SEMA5B: variants seen among roughly 807,000 people sequenced by gnomAD.
SEMA5B encodes semaphorin 5B.
In SEMA5B, 66 loss-of-function variants were observed where a neutral mutation model predicts 135.0. That is an observed-to-expected ratio of 0.49 (90% CI 0.40 to 0.60). The LOEUF (loss-of-function observed/expected upper bound fraction) is 0.60. Among genes scored for constraint, SEMA5B ranks in the 20% least tolerant of loss-of-function variants. The pLI, the probability that SEMA5B is intolerant of heterozygous loss-of-function variation, is 0.00. For missense variants in SEMA5B, 1,501 were observed against 1,566.3 expected, an observed-to-expected ratio of 0.96 and a Z score of 0.70; for synonymous variants, 690 against 639.5, an observed-to-expected ratio of 1.08 and a Z score of -1.19.
At position 122,936,489 on chromosome 3, in the gene SEMA5B, G is replaced by A. The variant is rs1939292164; in HGVS notation, c.474+2936C>T. On this transcript the variant is annotated intron_variant, in intron 5 of 22. Coordinates refer to ENST00000357599, the MANE Select transcript of SEMA5B (RefSeq NM_001031702.4). The stretch of plus-strand genomic sequence containing the variant: ...CCAGGCCCGAACAAAGCCCCATTAT[G>A]CGTCCTGATGCATATGTGCAGAACA... Among the ~76,000 whole-genome samples, 4 of 152,160 alleles carry A rather than the reference G, an allele frequency of 2.6e-5. No homozygotes were observed. The South Asian group carries it at 8.3e-4, about 32-fold the overall frequency.
intron 1 of SEMA5B, among the ~76,000 whole-genome samples, chr3:123,012,871 AGATG>A (rs1268157319): frequency 2.0e-5 from 3 of 152,228 alleles, no homozygotes; most frequent in African/African-American, 7.2e-5. Flanking sequence ...TTTCTTCTAC[AGATG>A]GATGGAGGGA....
intron 14 of SEMA5B, among the ~76,000 whole-genome samples, chr3:122,914,570 G>T (rs1560284382): frequency 1.3e-5 from 2 of 152,320 alleles, no homozygotes; most frequent in East Asian, 3.9e-4. Flanking sequence ...TAAGGACAAT[G>T]ATTGTATTCC....
At chr3:123,012,132 CTCTCTGAGGTCTT>C (rs1687191383) in intron 1 of SEMA5B, among the ~76,000 whole-genome samples, 1 of 152,182 alleles carries the variant, frequency 6.6e-6, no homozygotes, top group Non-Finnish European at 1.5e-5. Context: ...GTTTCTTAAC[CTCTCTGAGGTCTT>C]TTCCTCGTGT....
chr3:122,913,292 G>A lies in SEMA5B; in HGVS notation c.2413C>T (p.Pro805Ser). The A allele has an allele frequency of 6.3e-7, 1 of 1,581,738 alleles. No homozygotes were observed. Among genetic ancestry groups the A allele is most frequent in the Non-Finnish European group, 8.5e-7 (1 of 1,172,562 alleles). Residue 805 changes from proline (P) to serine (S), a missense_variant, in exon 17 of 23, where the codon CCC becomes TCC. This residue lies in a region of SEMA5B where 927 missense variants were observed against 881.6 expected (regional missense o/e 1.05). Coordinates refer to ENST00000357599, the MANE Select transcript of SEMA5B (RefSeq NM_001031702.4). ...EQRFRFTCRAPLADPHGLQFG... is the reference protein window; with the variant it reads ...EQRFRFTCRASLADPHGLQFG... Reference sequence around the variant, plus strand: ...TGCAGGCCGTGCGGGTCTGCAAGGGGCGCGCGGCAGGTGAAGCGGAACCGC... The same window carrying A: ...TGCAGGCCGTGCGGGTCTGCAAGGGACGCGCGGCAGGTGAAGCGGAACCGC...
rs1560369572 is a variant in SEMA5B, at chr3:122,961,272, C to G, written c.-9G>C. On this transcript the variant is annotated 5_prime_UTR_variant, in exon 2 of 23. Transcript: ENST00000357599. ...CTGAAGCCACAGGGCATCCAAGAGACACAGGCCAGGCACCAGCTGGAACCA... is the reference window on the plus strand; with the variant it reads ...CTGAAGCCACAGGGCATCCAAGAGAGACAGGCCAGGCACCAGCTGGAACCA... 1 of 1,613,974 alleles carries G rather than the reference C, an allele frequency of 6.2e-7. No homozygotes were observed.
chr3:122,944,873 T>C (rs1365172930), intron 3 of SEMA5B, among the ~76,000 whole-genome samples: 1 of 152,264 alleles, frequency 6.6e-6, no homozygotes, highest in East Asian at 1.9e-4. Context: ...GAGAGAGCCA[T>C]GGAGCAGAGG....
chr3:123,010,800 C>A (rs1185882183), intron 1 of SEMA5B, among the ~76,000 whole-genome samples: 2 of 119,474 alleles, frequency 1.7e-5, no homozygotes, highest in East Asian at 4.9e-4. Flanking sequence ...CAGAGTGAGT[C>A]TCCATCTCAA....
chr3:122,997,474 G>T (rs1044807996), intron 1 of SEMA5B, among the ~76,000 whole-genome samples: 1 of 151,876 alleles, frequency 6.6e-6, no homozygotes, highest in Non-Finnish European at 1.5e-5. Flanking sequence ...TGGTTCACAG[G>T]CCAGGAGACT....
chr3:122,967,411 G>A lies in SEMA5B; in HGVS notation c.-38-6110C>T, dbSNP rs568139849. ...ATTTCCTAGGAGAGAAAGAGTAGCA[G>A]GTGCTGTTGGTGCCTGCCCCATTTG... On this transcript the variant is annotated intron_variant, in intron 1 of 22. Coordinates refer to ENST00000357599, the MANE Select transcript of SEMA5B (RefSeq NM_001031702.4). Among the ~76,000 whole-genome samples the A allele has an allele frequency of 4.6e-5, 7 of 152,282 alleles. No individual in the cohort carries two copies. The East Asian group carries it at 1.4e-3, about 29-fold the overall frequency.
chr3:122,966,716 A>G (rs546065800), intron 1 of SEMA5B, among the ~76,000 whole-genome samples: 80 of 148,754 alleles, frequency 5.4e-4, no homozygotes, highest in South Asian at 1.5e-3. Context: ...CACCGCGCCC[A>G]GCTAATTTTT....
At chr3:123,007,624 A>G (rs1051298139) in intron 1 of SEMA5B, among the ~76,000 whole-genome samples, 1 of 152,160 alleles carries the variant, frequency 6.6e-6, no homozygotes, top group South Asian at 2.1e-4. Flanking sequence ...TCCTTCCAGA[A>G]GAGGAAAAGA....
Position 122,928,630 on chromosome 3 carries a change from A to G in SEMA5B, c.538-15T>C. 6.5e-7 allele frequency: 1 copy of G among 1,542,636 alleles called. No homozygotes were observed. Among genetic ancestry groups the G allele is most frequent in the Non-Finnish European group, 8.8e-7 (1 of 1,138,890 alleles). On this transcript the variant is annotated splice_polypyrimidine_tract_variant and intron_variant, in intron 6 of 22. Coordinates refer to ENST00000357599, the MANE Select transcript of SEMA5B (RefSeq NM_001031702.4). ...TGACACTCCTCCTGAGGCAGGAAGG[A>G]AAGGAGCAGACAGCACAGCTCTCCA...
intron 16 of SEMA5B, 32 bp from the exon 17 acceptor site, chr3:122,913,456 C>G (rs1937876606): frequency 6.4e-7 from 1 of 1,558,894 alleles, no homozygotes; most frequent in African/African-American, 1.3e-5. Context: ...GCTTTAGAAC[C>G]CCACGGCCTC....
At chr3:122,927,697 G>A (rs1938714686) in intron 8 of SEMA5B, 93 bp downstream of exon 8, 1 of 946,636 alleles carries the variant, frequency 1.1e-6, no homozygotes, top group Admixed American at 3.5e-5. Flanking sequence ...ACTTGCAGAG[G>A]TTGGCAGGAA....
chr3:123,000,023 C>T lies in SEMA5B; in HGVS notation c.-39+27441G>A, dbSNP rs145873935. Among the ~76,000 whole-genome samples, 151 of 152,214 alleles carry T rather than the reference C, an allele frequency of 9.9e-4. 1 individual carries two copies. Among genetic ancestry groups the T allele is most frequent in the African/African-American group, 3.5e-3 (144 of 41,526 alleles). ...AAGAGATTGAGACCATCCTGGCTAA[C>T]GTGGTGAAACCCCATCTCTACTAAA... is the stretch of plus-strand genomic sequence containing the variant. On this transcript the variant is annotated intron_variant, in intron 1 of 22. Transcript: ENST00000357599.
intron 1 of SEMA5B, among the ~76,000 whole-genome samples, chr3:122,977,556 A>T (rs1013232181): frequency 2.4e-4 from 36 of 152,318 alleles, no homozygotes; most frequent in Admixed American, 2.3e-3. Flanking sequence ...AGGGCTGGCA[A>T]CAGGGACTAC....
chr3:122,987,003 C>T (rs1321387497), intron 1 of SEMA5B, among the ~76,000 whole-genome samples: 1 of 152,080 alleles, frequency 6.6e-6, no homozygotes, highest in Non-Finnish European at 1.5e-5. Flanking sequence ...GCTGTTTTCT[C>T]AGGCTGCATT....
In SEMA5B at chr3:123,005,664, A is replaced by G. The variant is rs143848235; in HGVS notation, c.-39+21800T>C. Among the ~76,000 whole-genome samples, 71 of 152,330 alleles carry G rather than the reference A, an allele frequency of 4.7e-4. 1 individual carries two copies. The highest frequency in any genetic ancestry group is 1.7e-3 in the African/African-American group (71 of 41,578). On this transcript the variant is annotated intron_variant, in intron 1 of 22. Coordinates refer to ENST00000357599, the MANE Select transcript of SEMA5B (RefSeq NM_001031702.4). ...TGGAATAGAGAATAAATAGGGACTC[A>G]GGACTCCTTGGCCACCAGAATGTGA...
chr3:122,920,986 C>T lies in SEMA5B; in HGVS notation c.1688+929G>A, dbSNP rs141185087. On this transcript the variant is annotated intron_variant, in intron 12 of 22. Coordinates refer to ENST00000357599, the MANE Select transcript of SEMA5B (RefSeq NM_001031702.4). Reference sequence around the variant, plus strand: ...GCTGAAGGGAGCTGGAGTGTCTGCCCTGAGACTCCCCCTCCTTGGCTGCCT... The same window carrying T: ...GCTGAAGGGAGCTGGAGTGTCTGCCTTGAGACTCCCCCTCCTTGGCTGCCT... Among the ~76,000 whole-genome samples, 481 of 152,350 alleles carry T rather than the reference C, an allele frequency of 3.2e-3. 3 individuals are homozygous for T. Among genetic ancestry groups the T allele is most frequent in the African/African-American group, 0.011 (451 of 41,578 alleles).
Sources: gnomAD v4.1 joint callset for allele counts (sites outside exome capture counted in the v4.1 genomes callset) on GRCh38, gnomAD v4.1.1 for gene constraint, gnomAD v4.1.1 regional missense constraint, MANE v1.5 for transcripts, NCBI Gene and HGNC (gene_info 2026-07-23, HGNC 2026-07-21) for gene names.